KDM4B: variants seen among roughly 807,000 people sequenced by gnomAD.
KDM4B encodes the protein lysine-specific demethylase 4B.
A neutral mutation model predicts 125.2 loss-of-function variants in KDM4B; 32 were observed. The observed-to-expected ratio is 0.26, with a 90% CI of 0.19 to 0.34. The LOEUF is 0.34. KDM4B is among the 10% of genes least tolerant of loss of function. The pLI is 1.00. For missense variants in KDM4B, 1,190 were observed against 1,577.7 expected (o/e 0.75, Z 4.16); for synonymous variants, 721 against 677.9 (o/e 1.06, Z -0.99).
At chr19:4,975,593 A>ATT (rs10674194) in intron 1 of KDM4B, among the ~76,000 whole-genome samples, 45,822 of 138,042 alleles carry the variant, frequency 0.33, 8,026 homozygotes, top group East Asian at 0.71. Flanking sequence ...GAGTGAATGA[A>ATT]TTTTTTTTTT....
At chr19:5,052,569 A>G (rs1363887125) in intron 6 of KDM4B, among the ~76,000 whole-genome samples, 1 of 151,690 alleles carries the variant, frequency 6.6e-6, no homozygotes, top group African/African-American at 2.4e-5. Context: ...GCCCCTCAGG[A>G]CCTCCCTGGC....
At chr19:4,986,434 G>C (rs1237271695) in intron 1 of KDM4B, among the ~76,000 whole-genome samples, 1 of 152,186 alleles carries the variant, frequency 6.6e-6, no homozygotes, top group Non-Finnish European at 1.5e-5. Context: ...GAAGCTTCAG[G>C]GGTGCTCTTC....
At chr19:5,103,897 C>G (rs573857769) in intron 9 of KDM4B, among the ~76,000 whole-genome samples, 1 of 152,198 alleles carries the variant, frequency 6.6e-6, no homozygotes, top group Non-Finnish European at 1.5e-5. Flanking sequence ...AGATGGGGCA[C>G]GGGGGTGCAC....
chr19:5,042,969 G>C (rs957254721), intron 5 of KDM4B, among the ~76,000 whole-genome samples: 3 of 147,416 alleles, frequency 2.0e-5, no homozygotes, highest in African/African-American at 7.5e-5. Flanking sequence ...AGTTTTGACT[G>C]TGTCTTAACT....
At chr19:5,126,207 C>T (rs902118021) in intron 11 of KDM4B, among the ~76,000 whole-genome samples, 10 of 152,118 alleles carry the variant, frequency 6.6e-5, no homozygotes, top group Non-Finnish European at 1.5e-4. Flanking sequence ...AGGAGAGGTG[C>T]CTGGGGGGCG....
In KDM4B at chr19:5,050,405, C is replaced by A. The variant is rs76306762; in HGVS notation, c.626+2736C>A. ...AAACCAGAGCCAGCACCTGCAACTT[C>A]CCCCCGCCAACTTCCCGCAGCCCCT... On this transcript the variant is annotated intron_variant, in intron 6 of 22. Transcript: ENST00000159111. 5.3e-4 allele frequency among the ~76,000 whole-genome samples: 81 copies of A among 152,308 alleles called. 3 individuals are homozygous for A. In the East Asian group the frequency reaches 0.015, roughly 28 times the overall value.
At chr19:5,056,676 C>A (rs918975088) in intron 6 of KDM4B, among the ~76,000 whole-genome samples, 2 of 152,142 alleles carry the variant, frequency 1.3e-5, no homozygotes, top group East Asian at 3.9e-4. Flanking sequence ...AAAGTGCTGG[C>A]GTTACAGACG....
At chr19:5,039,085 C>T (rs935432084) in intron 3 of KDM4B, among the ~76,000 whole-genome samples, 12 of 152,246 alleles carry the variant, frequency 7.9e-5, no homozygotes, top group Non-Finnish European at 1.5e-4. Flanking sequence ...GCAGTTCTCA[C>T]TTCCTGCTGC....
intron 1 of KDM4B, among the ~76,000 whole-genome samples, chr19:4,990,049 G>A (rs569790994): frequency 1.3e-5 from 2 of 152,146 alleles, no homozygotes; most frequent in Admixed American, 6.6e-5. Flanking sequence ...AAGCGCTTTG[G>A]GGGGCTGAGG....
chr19:5,110,917 G>T (rs913384190), intron 10 of KDM4B, 99 bp downstream of exon 10: 2 of 923,426 alleles, frequency 2.2e-6, no homozygotes, highest in African/African-American at 1.7e-5. Flanking sequence ...GCTCCGGGCC[G>T]TGTCCCACTC....
In KDM4B at chr19:5,006,065, T is replaced by C. The variant is rs1209831254; in HGVS notation, c.-108-10192T>C. On this transcript the variant is annotated intron_variant, in intron 1 of 22. Transcript: ENST00000159111. ...TAGGGGACAGTTTTTGATGTTCTCTTAGTGAAGGACAGAGAAGAAGGATGG... is the reference window on the plus strand; with the variant it reads ...TAGGGGACAGTTTTTGATGTTCTCTCAGTGAAGGACAGAGAAGAAGGATGG... 1.3e-5 allele frequency among the ~76,000 whole-genome samples: 2 copies of C among 152,066 alleles called. 1 individual carries two copies. Among genetic ancestry groups the C allele is most frequent in the Admixed American group, 1.3e-4 (2 of 15,262 alleles).
chr19:5,101,745 C>T (rs896075329), intron 9 of KDM4B, among the ~76,000 whole-genome samples: 27 of 146,232 alleles, frequency 1.8e-4, no homozygotes, highest in Admixed American at 1.0e-3. Context: ...AGGGGAAGGG[C>T]GGGGAGGGCC....
intron 1 of KDM4B, among the ~76,000 whole-genome samples, chr19:4,987,268 G>C (rs1275186841): frequency 6.6e-6 from 1 of 152,252 alleles, no homozygotes; most frequent in Non-Finnish European, 1.5e-5. Flanking sequence ...GGCAGTTAAA[G>C]GCAAGTTTTC....
At chr19:5,024,016 G>A (rs559939133) in intron 2 of KDM4B, among the ~76,000 whole-genome samples, 6 of 152,188 alleles carry the variant, frequency 3.9e-5, no homozygotes, top group East Asian at 3.9e-4. Flanking sequence ...CTCCCACAGT[G>A]CTGGGGTCAC....
rs35386151 is a variant in KDM4B, at chr19:5,106,248, T to TTG, written c.919-4357_919-4356dup. ...TGGTTGAACGGTTTGGTTAGAGTCATTGTGTGTGTGTGTGTGTGCGCGCGC... is the reference window on the plus strand; with the variant it reads ...TGGTTGAACGGTTTGGTTAGAGTCATTGTGTGTGTGTGTGTGTGTGCGCGCGC... On this transcript the variant is annotated intron_variant, in intron 9 of 22. Transcript: ENST00000159111. Among the ~76,000 whole-genome samples the TTG allele has an allele frequency of 6.1e-3, 917 of 151,376 alleles. 4 individuals are homozygous for TTG. Among genetic ancestry groups the TTG allele is most frequent in the Non-Finnish European group, 8.7e-3 (592 of 67,728 alleles).
At chr19:5,038,677 C>A (rs2036709061) in intron 3 of KDM4B, among the ~76,000 whole-genome samples, 1 of 152,252 alleles carries the variant, frequency 6.6e-6, no homozygotes. Flanking sequence ...CTGCTCACCC[C>A]AGGGTGCCCC....
chr19:5,134,093 A>AC (rs771273023), intron 14 of KDM4B, 32 bp downstream of exon 14: 135 of 1,554,466 alleles, frequency 8.7e-5, no homozygotes, highest in Non-Finnish European at 1.2e-4. Context: ...GTCCCAGAGA[A>AC]CCCCAGGCAG....
chr19:5,065,175 A>G (rs1023748417), intron 6 of KDM4B, among the ~76,000 whole-genome samples: 1 of 152,180 alleles, frequency 6.6e-6, no homozygotes, highest in Admixed American at 6.5e-5. Flanking sequence ...TGCAGAGACC[A>G]GTGGGGGCCA....
chr19:5,099,334 A>C (rs2038887690), intron 9 of KDM4B, among the ~76,000 whole-genome samples: 3 of 152,218 alleles, frequency 2.0e-5, no homozygotes, highest in African/African-American at 4.8e-5. Context: ...TAGTGAGACA[A>C]GACGGTGGAT....
Sources: gnomAD v4.1 joint callset for allele counts (sites outside exome capture counted in the v4.1 genomes callset) on GRCh38, gnomAD v4.1.1 for gene constraint, MANE v1.5 for transcripts, NCBI Gene and HGNC (gene_info 2026-07-23, HGNC 2026-07-21) for gene names.